Variants in CARMIL1 observed in about 807,000 individuals in gnomAD.
The protein encoded by CARMIL1 is capping protein regulator and myosin 1 linker 1.
A neutral mutation model predicts 177.1 loss-of-function variants in CARMIL1; 90 were observed. The ratio of observed to expected loss-of-function variants is 0.51; its 90% CI spans 0.43 to 0.61. The LOEUF is 0.61. Ranked by LOEUF, CARMIL1 falls within the 20% of genes least tolerant of loss-of-function variation. CARMIL1 has a pLI of 0.00. For synonymous variants in CARMIL1, 577 were observed against 606.2 expected, an observed-to-expected ratio of 0.95 and a Z score of 0.71; for missense variants, 1,380 against 1,667.0, an observed-to-expected ratio of 0.83 and a Z score of 3.00.
chr6:25,306,441 CT>C (rs2150189238), intron 2 of CARMIL1, among the ~76,000 whole-genome samples: 1 of 152,246 alleles, frequency 6.6e-6, no homozygotes, highest in Non-Finnish European at 1.5e-5. Context: ...ATATGAGAAT[CT>C]AGTTGATGCT....
intron 32 of CARMIL1, among the ~76,000 whole-genome samples, chr6:25,599,667 A>G (rs1582486037): frequency 6.6e-6 from 1 of 152,320 alleles, no homozygotes; most frequent in African/African-American, 2.4e-5. Context: ...AGTTTGGTTT[A>G]TGCAAGTGCC....
chr6:25,600,454 T>C lies in CARMIL1; in HGVS notation c.3260T>C (p.Leu1087Ser). 6.2e-7 allele frequency: 1 copy of C among 1,613,992 alleles called. No individual in the cohort carries two copies. The highest frequency in any genetic ancestry group is 8.5e-7 in the Non-Finnish European group (1 of 1,179,892). Reference protein sequence around the residue: ...RSKSERPPTILMTEEPSSPKG... With the variant: ...RSKSERPPTISMTEEPSSPKG... Reference sequence around the variant, plus strand: ...AAATCCGAGCGACCACCAACGATCTTGATGACAGAAGAACCCTCCTCACCA... The same window carrying C: ...AAATCCGAGCGACCACCAACGATCTCGATGACAGAAGAACCCTCCTCACCA... Residue 1087 changes from leucine to serine, a missense_variant, in exon 33 of 37, where the codon TTG becomes TCG. By Grantham distance (145) the Leu-to-Ser change is moderately radical. Coordinates refer to ENST00000329474, the MANE Select transcript of CARMIL1 (RefSeq NM_017640.6).
At chr6:25,531,002 G>A (rs879640394) in intron 24 of CARMIL1, among the ~76,000 whole-genome samples, 23 of 152,148 alleles carry the variant, frequency 1.5e-4, no homozygotes, top group African/African-American at 4.8e-4. Flanking sequence ...ATAATGTAAA[G>A]GTAACGAAAC....
chr6:25,392,495 C>T (rs1319612625), intron 2 of CARMIL1, among the ~76,000 whole-genome samples: 1 of 152,160 alleles, frequency 6.6e-6, no homozygotes, highest in Admixed American at 6.5e-5. Context: ...TATGTCTTTT[C>T]TCCTATAGGA....
At chr6:25,355,972 ACTC>A (rs1481820515) in intron 2 of CARMIL1, among the ~76,000 whole-genome samples, 1 of 148,714 alleles carries the variant, frequency 6.7e-6, no homozygotes, top group Non-Finnish European at 1.5e-5. Context: ...TGCTACTTAC[ACTC>A]CTCCTGCAAA....
At chr6:25,567,962 C>A (rs1220107754) in intron 29 of CARMIL1, among the ~76,000 whole-genome samples, 1 of 152,180 alleles carries the variant, frequency 6.6e-6, no homozygotes, top group Admixed American at 6.5e-5. Flanking sequence ...TCTGTCACTA[C>A]AGGAATTTAT....
intron 1 of CARMIL1, among the ~76,000 whole-genome samples, chr6:25,283,885 T>TG (rs888871559): frequency 2.6e-5 from 4 of 151,330 alleles, no homozygotes; most frequent in African/African-American, 7.3e-5. Flanking sequence ...GGCTAATTTT[T>TG]TTTTGTATTT....
chr6:25,548,647 G>C (rs927583427), intron 26 of CARMIL1, among the ~76,000 whole-genome samples: 1 of 152,116 alleles, frequency 6.6e-6, no homozygotes, highest in Non-Finnish European at 1.5e-5. Context: ...TCCCAGCCCT[G>C]CCACTGCAAA....
intron 2 of CARMIL1, among the ~76,000 whole-genome samples, chr6:25,363,150 G>C (rs1037600696): frequency 6.6e-6 from 1 of 151,784 alleles, no homozygotes; most frequent in African/African-American, 2.4e-5. Context: ...CCAGACTTGG[G>C]AGCATTTCTC....
Position 25,500,099 on chromosome 6 carries a change from T to C in CARMIL1, c.1326-67T>C, listed in dbSNP as rs368245149. On this transcript the variant is annotated intron_variant, in intron 16 of 36. Transcript: ENST00000329474. ...TTCTTTCTCTAGGCTTTATTCAGTG[T>C]GCTTGCATTTTTTCTTTTGGGCAGT... 60 of 1,378,372 alleles carry C rather than the reference T, an allele frequency of 4.4e-5. 1 individual carries two copies. The South Asian group carries it at 6.9e-4, about 16-fold the overall frequency. 85.4% of individuals were successfully genotyped at this position (1,378,372 alleles called of 1,614,324 possible).
At chr6:25,296,240 C>A (rs1782358377) in intron 2 of CARMIL1, among the ~76,000 whole-genome samples, 1 of 152,186 alleles carries the variant, frequency 6.6e-6, no homozygotes, top group Non-Finnish European at 1.5e-5. Context: ...AATTTCCTGA[C>A]CCTTTCACTA....
intron 8 of CARMIL1, among the ~76,000 whole-genome samples, chr6:25,451,348 A>T (rs965124554): frequency 6.6e-6 from 1 of 152,176 alleles, no homozygotes; most frequent in Non-Finnish European, 1.5e-5. Flanking sequence ...GCCATTTAGA[A>T]CATTTTTTCA....
intron 2 of CARMIL1, among the ~76,000 whole-genome samples, chr6:25,391,465 A>T (rs777895496): frequency 1.2e-4 from 18 of 152,044 alleles, no homozygotes; most frequent in Non-Finnish European, 2.5e-4. Context: ...CAGATTTTTT[A>T]TCTTTTCCTT....
chr6:25,309,115 T>G (rs1783539395), intron 2 of CARMIL1, among the ~76,000 whole-genome samples: 1 of 152,144 alleles, frequency 6.6e-6, no homozygotes, highest in African/African-American at 2.4e-5. Flanking sequence ...CATGAACTCC[T>G]GGGCTCAAGT....
intron 29 of CARMIL1, 138 bp from the exon 30 acceptor site, chr6:25,580,786 A>G: frequency 3.1e-6 from 2 of 645,080 alleles, no homozygotes; most frequent in Non-Finnish European, 5.4e-6. Context: ...TGGTCTCTTC[A>G]GTTAGGTTTT....
intron 3 of CARMIL1, 50 bp from the exon 4 acceptor site, chr6:25,426,451 T>A: frequency 7.2e-7 from 1 of 1,388,768 alleles, no homozygotes; most frequent in Non-Finnish European, 1.0e-6. Flanking sequence ...TATGTTTTTT[T>A]AAAACCCTCA....
At chr6:25,503,355 TCTAAA>T (rs1327130097) in intron 17 of CARMIL1, among the ~76,000 whole-genome samples, 3 of 152,244 alleles carry the variant, frequency 2.0e-5, no homozygotes, top group Admixed American at 1.3e-4. Context: ...AAATTGTTTT[TCTAAA>T]CTATGTTATA....
intron 2 of CARMIL1, among the ~76,000 whole-genome samples, chr6:25,324,204 G>A (rs540809229): frequency 7.9e-5 from 12 of 152,358 alleles, no homozygotes; most frequent in African/African-American, 2.4e-4. Flanking sequence ...CATGCTAGGC[G>A]TGGAGAGGAG....
chr6:25,329,133 C>T (rs111615094), intron 2 of CARMIL1, among the ~76,000 whole-genome samples: 2,527 of 152,126 alleles, frequency 0.017, 61 homozygotes, highest in African/African-American at 0.053. Flanking sequence ...GCTTTAAATA[C>T]GCAGTATTTA....
Sources: gnomAD v4.1 joint callset for allele counts (sites outside exome capture counted in the v4.1 genomes callset) on GRCh38, gnomAD v4.1.1 for gene constraint, MANE v1.5 for transcripts, NCBI Gene and HGNC (gene_info 2026-07-23, HGNC 2026-07-21) for gene names.